Variants in MTUS2 observed in about 807,000 individuals in gnomAD.
MTUS2 encodes microtubule-associated tumor suppressor candidate 2.
Under a neutral mutation model 114.1 loss-of-function variants are expected in MTUS2, and 40 were observed. The observed-to-expected ratio is 0.35, with a 90% CI of 0.27 to 0.46. The LOEUF (loss-of-function observed/expected upper bound fraction) is 0.46. Ranked by LOEUF, MTUS2 falls within the 20% of genes least tolerant of loss-of-function variation. The pLI, the probability that MTUS2 is intolerant of heterozygous loss-of-function variation, is 1.00. For synonymous variants in MTUS2, 688 were observed against 672.0 expected (o/e 1.02, Z -0.37); for missense variants, 1,679 against 1,705.4 (o/e 0.98, Z 0.27).
At chr13:29,150,788 A>AT (rs1462299075) in intron 5 of MTUS2, among the ~76,000 whole-genome samples, 1 of 152,264 alleles carries the variant, frequency 6.6e-6, no homozygotes, top group East Asian at 1.9e-4. Context: ...CACTTATTGA[A>AT]TAGGGAGTCC....
chr13:29,446,483 T>A (rs996800397), intron 9 of MTUS2, among the ~76,000 whole-genome samples: 5 of 152,214 alleles, frequency 3.3e-5, no homozygotes, highest in Admixed American at 3.3e-4. Context: ...TGTCATTTCA[T>A]AGCCATAAAA....
intron 4 of MTUS2, among the ~76,000 whole-genome samples, chr13:29,084,450 C>G (rs1889579982): frequency 6.6e-6 from 1 of 151,946 alleles, no homozygotes; most frequent in Non-Finnish European, 1.5e-5. Context: ...CAGAGAAGTT[C>G]AAATCAGTAT....
At chr13:29,318,195 T>G (rs1900090733) in intron 6 of MTUS2, among the ~76,000 whole-genome samples, 1 of 152,028 alleles carries the variant, frequency 6.6e-6, no homozygotes, top group African/African-American at 2.4e-5. Context: ...TATATTGAGA[T>G]TTACTTGCAG....
chr13:28,925,054 C>T (rs1881253692), intron 2 of MTUS2, among the ~76,000 whole-genome samples: 1 of 152,038 alleles, frequency 6.6e-6, no homozygotes, highest in African/African-American at 2.4e-5. Flanking sequence ...GTCTTAGATC[C>T]TTTCTCTAAT....
intron 4 of MTUS2, among the ~76,000 whole-genome samples, chr13:29,034,768 G>A (rs326506): frequency 0.51 from 77,075 of 151,486 alleles, 19,709 homozygotes; most frequent in South Asian, 0.72. Context: ...ATGTAAAAGC[G>A]TTATCTGTAG....
chr13:29,289,003 TA>T (rs760703089), intron 6 of MTUS2, among the ~76,000 whole-genome samples: 48 of 151,918 alleles, frequency 3.2e-4, no homozygotes, highest in African/African-American at 4.3e-4. Context: ...TAGCTGGGTT[TA>T]AAAAAAAATC....
intron 2 of MTUS2, among the ~76,000 whole-genome samples, chr13:29,012,585 G>A (rs1247755980): frequency 2.0e-5 from 3 of 152,132 alleles, no homozygotes; most frequent in Non-Finnish European, 4.4e-5. Context: ...CTAAAAGAGT[G>A]GGTCCAGCCC....
At chr13:29,387,237 T>C (rs185018784) in intron 8 of MTUS2, among the ~76,000 whole-genome samples, 426 of 152,208 alleles carry the variant, frequency 2.8e-3, no homozygotes, top group Non-Finnish European at 4.7e-3. Context: ...CTTGAAGAGA[T>C]GAAGGAAACA....
Position 29,360,698 on chromosome 13 carries a change from C to G in MTUS2, c.3117+1225C>G, listed in dbSNP as rs948236448. Among the ~76,000 whole-genome samples the G allele has an allele frequency of 1.3e-3, 181 of 138,038 alleles. 2 individuals are homozygous for G. The highest frequency in any genetic ancestry group is 2.2e-3 in the Non-Finnish European group (142 of 63,968). The allele number at this position is 138,038 out of a possible 152,430, so 90.6% of individuals were successfully genotyped here. A position where few individuals can be genotyped will look rare whatever the true frequency, so the allele number is the denominator to read the frequency against. On this transcript the variant is annotated intron_variant, in intron 8 of 15. Coordinates refer to ENST00000612955, the MANE Select transcript of MTUS2 (RefSeq NM_001033602.4). ...ATAAAGTAGCCGAACACCCCCCCCC[C>G]CCCGTAAGAATTAAAGTTACAAACA...
chr13:29,454,638 A>G (rs1878972794), intron 9 of MTUS2, among the ~76,000 whole-genome samples: 1 of 152,114 alleles, frequency 6.6e-6, no homozygotes, highest in Non-Finnish European at 1.5e-5. Flanking sequence ...ATCAGTGAAC[A>G]AATGATTCTT....
At chr13:29,268,462 A>G (rs1451611929) in intron 5 of MTUS2, among the ~76,000 whole-genome samples, 2 of 152,052 alleles carry the variant, frequency 1.3e-5, no homozygotes, top group African/African-American at 4.8e-5. Context: ...AGTCCCTCCA[A>G]GTCCTCCTCA....
intron 2 of MTUS2, among the ~76,000 whole-genome samples, chr13:28,844,590 AGT>A (rs60819520): frequency 0.075 from 11,175 of 148,130 alleles, 761 homozygotes; most frequent in African/African-American, 0.18. Flanking sequence ...TTTGTGTGTG[AGT>A]GTGTGTGTGT....
At chr13:29,378,318 A>G (rs577907217) in intron 8 of MTUS2, among the ~76,000 whole-genome samples, 18 of 152,092 alleles carry the variant, frequency 1.2e-4, no homozygotes, top group Admixed American at 6.6e-5. Flanking sequence ...GATAATTCAT[A>G]TGGTTGTTTT....
At chr13:29,360,849 GT>G (rs1278551122) in intron 8 of MTUS2, among the ~76,000 whole-genome samples, 1 of 152,150 alleles carries the variant, frequency 6.6e-6, no homozygotes, top group Admixed American at 6.5e-5. Flanking sequence ...AAACAGGGCT[GT>G]TCCTTGAAGT....
chr13:29,485,706 A>T (rs1227474928), intron 10 of MTUS2, among the ~76,000 whole-genome samples: 2 of 152,228 alleles, frequency 1.3e-5, no homozygotes, highest in African/African-American at 4.8e-5. Context: ...AATGGCATAC[A>T]TTGATGCCAC....
At chr13:29,479,081 T>C (rs919929493) in intron 9 of MTUS2, among the ~76,000 whole-genome samples, 1 of 152,260 alleles carries the variant, frequency 6.6e-6, no homozygotes, top group Admixed American at 6.5e-5. Context: ...TGGATGCATA[T>C]TCCTGTCATC....
chr13:29,148,924 G>C (rs544778222), intron 5 of MTUS2, among the ~76,000 whole-genome samples: 203 of 152,164 alleles, frequency 1.3e-3, no homozygotes, highest in African/African-American at 4.7e-3. Flanking sequence ...TCTTTATCTA[G>C]TCTGTCATTG....
intron 2 of MTUS2, among the ~76,000 whole-genome samples, chr13:28,999,498 G>A (rs1451059183): frequency 3.3e-5 from 5 of 152,154 alleles, no homozygotes. Flanking sequence ...AGTTTTACTT[G>A]TAATTGACAA....
At chr13:29,005,890 G>C (rs1885580379) in intron 2 of MTUS2, among the ~76,000 whole-genome samples, 1 of 152,204 alleles carries the variant, frequency 6.6e-6, no homozygotes, top group Admixed American at 6.5e-5. Flanking sequence ...AAAAGGAATA[G>C]TATTGCCGTT....
Sources: gnomAD v4.1 joint callset for allele counts (sites outside exome capture counted in the v4.1 genomes callset) on GRCh38, gnomAD v4.1.1 for gene constraint, MANE v1.5 for transcripts, NCBI Gene and HGNC (gene_info 2026-07-23, HGNC 2026-07-21) for gene names.